Variants in LRFN5 observed in about 807,000 individuals in gnomAD.
LRFN5 encodes leucine rich repeat and fibronectin type III domain containing 5.
LRFN5 carries 24 observed loss-of-function variants against 45.6 expected under a neutral mutation model. That is an observed-to-expected ratio of 0.53 (90% CI 0.38 to 0.74). LRFN5 has a LOEUF of 0.74. Among genes scored for constraint, LRFN5 ranks in the 30% least tolerant of loss-of-function variants. The pLI is 0.00. For synonymous variants in LRFN5, 340 were observed against 313.8 expected (o/e 1.08, Z -0.88); for missense variants, 776 against 861.5 (o/e 0.90, Z 1.24).
intron 2 of LRFN5, among the ~76,000 whole-genome samples, chr14:41,833,302 C>T (rs1212531746): frequency 6.6e-6 from 1 of 152,162 alleles, no homozygotes; most frequent in African/African-American, 2.4e-5. Flanking sequence ...GGATCCTCTG[C>T]TGAGGTGGCT....
chr14:41,744,468 A>C (rs149229440), intron 1 of LRFN5, among the ~76,000 whole-genome samples: 1 of 152,342 alleles, frequency 6.6e-6, no homozygotes, highest in Non-Finnish European at 1.5e-5. Flanking sequence ...AATGAGGAGC[A>C]TTATTCTATA....
At chr14:41,874,051 T>G (rs1426046291) in intron 2 of LRFN5, among the ~76,000 whole-genome samples, 4 of 152,190 alleles carry the variant, frequency 2.6e-5, no homozygotes, top group Non-Finnish European at 4.4e-5. Flanking sequence ...CTTTTTTATG[T>G]CCTTTCAAGT....
chr14:41,883,180 C>T (rs562807754), intron 2 of LRFN5, among the ~76,000 whole-genome samples: 105 of 149,744 alleles, frequency 7.0e-4, no homozygotes, highest in African/African-American at 2.5e-3. Flanking sequence ...AGGACTGCCA[C>T]CTCTGGAAGT....
rs78219357 is a variant in LRFN5, at chr14:41,678,393, A to G, written c.-197+69831A>G. Among the ~76,000 whole-genome samples the G allele has an allele frequency of 5.2e-3, 788 of 152,244 alleles. 4 individuals are homozygous for G. Among genetic ancestry groups the G allele is most frequent in the Non-Finnish European group, 8.4e-3 (570 of 68,016 alleles). ...CATCTAACAACAGAGGCCCAAATTTATGAAGCAAAAACTAATAGAATTGCA... is the reference window on the plus strand; with the variant it reads ...CATCTAACAACAGAGGCCCAAATTTGTGAAGCAAAAACTAATAGAATTGCA... On this transcript the variant is annotated intron_variant, in intron 1 of 5. Transcript: ENST00000298119.
intron 2 of LRFN5, among the ~76,000 whole-genome samples, chr14:41,882,950 G>A (rs931914437): frequency 1.4e-5 from 2 of 146,048 alleles, no homozygotes; most frequent in South Asian, 2.2e-4. Context: ...CCGGGTTTAC[G>A]CCATTCTCCT....
At chr14:41,796,408 T>A (rs936872727) in intron 2 of LRFN5, among the ~76,000 whole-genome samples, 1 of 151,938 alleles carries the variant, frequency 6.6e-6, no homozygotes, top group Non-Finnish European at 1.5e-5. Context: ...TAAGTTGAAA[T>A]TATATTTTAC....
intron 2 of LRFN5, among the ~76,000 whole-genome samples, chr14:41,831,201 C>T (rs1280656139): frequency 6.6e-6 from 1 of 152,196 alleles, no homozygotes; most frequent in African/African-American, 2.4e-5. Context: ...ATATGTGTTA[C>T]ATTACCCGTC....
chr14:41,688,566 T>G (rs981852592), intron 1 of LRFN5, among the ~76,000 whole-genome samples: 1 of 151,894 alleles, frequency 6.6e-6, no homozygotes, highest in Non-Finnish European at 1.5e-5. Context: ...GGAAGAAATT[T>G]GTGAAGTTCA....
intron 2 of LRFN5, among the ~76,000 whole-genome samples, chr14:41,858,232 AC>A (rs1485380495): frequency 6.6e-6 from 1 of 151,450 alleles, no homozygotes; most frequent in Non-Finnish European, 1.5e-5. Context: ...ATGCTCACTA[AC>A]CCAGGGCCTA....
chr14:41,669,513 ATGAT>A (rs942840766), intron 1 of LRFN5, among the ~76,000 whole-genome samples: 60 of 152,118 alleles, frequency 3.9e-4, no homozygotes, highest in Admixed American at 2.6e-3. Context: ...TAAAGCAACA[ATGAT>A]TGAACTTTTT....
chr14:41,675,495 C>A (rs1013131380), intron 1 of LRFN5, among the ~76,000 whole-genome samples: 2 of 152,112 alleles, frequency 1.3e-5, no homozygotes, highest in Non-Finnish European at 2.9e-5. Context: ...CGCAGGCACT[C>A]GGCAGGCTGA....
At chr14:41,824,071 G>A (rs1888214830) in intron 2 of LRFN5, among the ~76,000 whole-genome samples, 1 of 151,648 alleles carries the variant, frequency 6.6e-6, no homozygotes, top group Non-Finnish European at 1.5e-5. Flanking sequence ...ATATTGAATT[G>A]TTTTTTCTGA....
At chr14:41,618,647 TAAAC>T (rs1468162430) in intron 1 of LRFN5, among the ~76,000 whole-genome samples, 1 of 152,110 alleles carries the variant, frequency 6.6e-6, no homozygotes, top group Non-Finnish European at 1.5e-5. Context: ...CATAAAATCA[TAAAC>T]AAATAAAATG....
chr14:41,732,807 TACTC>T (rs1427248469), intron 1 of LRFN5, among the ~76,000 whole-genome samples: 3 of 150,932 alleles, frequency 2.0e-5, no homozygotes, highest in Admixed American at 6.6e-5. Flanking sequence ...GTATTAAAAA[TACTC>T]AAAGAATTAA....
intron 2 of LRFN5, among the ~76,000 whole-genome samples, chr14:41,876,444 CT>C (rs71105408): frequency 0.59 from 75,900 of 128,880 alleles, 22,166 homozygotes; most frequent in Middle Eastern, 0.74. Context: ...CCATGCCTGG[CT>C]TTTTTTTTTT....
At chr14:41,804,508 T>C (rs191560365) in intron 2 of LRFN5, among the ~76,000 whole-genome samples, 1 of 152,288 alleles carries the variant, frequency 6.6e-6, no homozygotes, top group South Asian at 2.1e-4. Flanking sequence ...GGTAATCATT[T>C]ATGTCTACAT....
intron 1 of LRFN5, among the ~76,000 whole-genome samples, chr14:41,702,634 A>G (rs1566627991): frequency 6.6e-6 from 1 of 151,380 alleles, no homozygotes; most frequent in African/African-American, 2.4e-5. Context: ...GCTAATTTTT[A>G]TTTTTTATTT....
intron 1 of LRFN5, among the ~76,000 whole-genome samples, chr14:41,661,268 CTT>C (rs1880641014): frequency 6.6e-6 from 1 of 151,874 alleles, no homozygotes; most frequent in Non-Finnish European, 1.5e-5. Context: ...AGATAGGTCT[CTT>C]AATCTCAGTA....
chr14:41,622,010 C>G (rs191686374), intron 1 of LRFN5, among the ~76,000 whole-genome samples: 98 of 152,152 alleles, frequency 6.4e-4, no homozygotes, highest in Non-Finnish European at 9.9e-4. Flanking sequence ...CTTTTCAGCC[C>G]TAGTTGTTTG....
Sources: allele counts gnomAD v4.1 joint callset (sites outside exome capture counted in the v4.1 genomes callset), GRCh38; gene constraint gnomAD v4.1.1; transcripts MANE v1.5; gene names NCBI Gene and HGNC (gene_info 2026-07-23, HGNC 2026-07-21).